GLI3: variants seen among roughly 807,000 people sequenced by gnomAD.
GLI3 encodes GLI family zinc finger 3, also known as transcription activator GLI3.
Under a neutral mutation model 100.8 loss-of-function variants are expected in GLI3, and 20 were observed. The observed-to-expected ratio is 0.20, with a 90% CI of 0.14 to 0.29. The LOEUF (loss-of-function observed/expected upper bound fraction) is 0.29. Among genes scored for constraint, GLI3 ranks in the 10% least tolerant of loss-of-function variants. GLI3 has a pLI of 1.00. For synonymous variants in GLI3, 938 were observed against 860.5 expected (o/e 1.09, Z -1.58); for missense variants, 2,040 against 2,128.5 (o/e 0.96, Z 0.82).
At chr7:42,041,448 A>G (rs867088124) in intron 6 of GLI3, among the ~76,000 whole-genome samples, 2 of 152,344 alleles carry the variant, frequency 1.3e-5, no homozygotes, top group Middle Eastern at 3.4e-3. Flanking sequence ...TCATATTTAC[A>G]TTACAGAGTC....
At chr7:42,128,013 T>C (rs1157448007) in intron 3 of GLI3, among the ~76,000 whole-genome samples, 1 of 83,464 alleles carries the variant, frequency 1.2e-5, no homozygotes, top group Admixed American at 1.6e-4. Context: ...AGCAAGACCC[T>C]GACTCAAAAA....
chr7:42,222,998 C>A (rs1788515530), intron 2 of GLI3, 132 bp downstream of exon 2: 4 of 1,115,056 alleles, frequency 3.6e-6, no homozygotes, highest in Non-Finnish European at 4.1e-6. Flanking sequence ...CCCCCCGCCC[C>A]TGCTCCATTT....
chr7:41,985,448 C>T (rs1787793433), intron 10 of GLI3, among the ~76,000 whole-genome samples: 1 of 152,014 alleles, frequency 6.6e-6, no homozygotes, highest in Admixed American at 6.5e-5. Context: ...TTCAAGTAAG[C>T]TCAATTTTCA....
chr7:41,984,952 A>G (rs1326764745), intron 10 of GLI3, among the ~76,000 whole-genome samples: 1 of 152,266 alleles, frequency 6.6e-6, no homozygotes, highest in African/African-American at 2.4e-5. Context: ...CCATGTGCAC[A>G]CACAGGTGGT....
At chr7:42,134,266 T>A (rs904460335) in intron 3 of GLI3, among the ~76,000 whole-genome samples, 2 of 152,050 alleles carry the variant, frequency 1.3e-5, no homozygotes, top group Non-Finnish European at 2.9e-5. Context: ...TAAGAATACA[T>A]GGTCACCAAT....
chr7:42,076,960 A>T, intron 3 of GLI3, 103 bp from the exon 4 acceptor site: 1 of 752,072 alleles, frequency 1.3e-6, no homozygotes, highest in Admixed American at 2.0e-5. Flanking sequence ...CACTACCTAC[A>T]CTTAATCTAA....
chr7:42,045,090 C>A (rs1784218017), intron 6 of GLI3, among the ~76,000 whole-genome samples: 1 of 152,154 alleles, frequency 6.6e-6, no homozygotes, highest in Non-Finnish European at 1.5e-5. Context: ...CTCGCTATGT[C>A]ACCTGGGCTG....
At chr7:42,200,164 C>T (rs1171375501) in intron 2 of GLI3, among the ~76,000 whole-genome samples, 2 of 152,196 alleles carry the variant, frequency 1.3e-5, no homozygotes, top group Non-Finnish European at 1.5e-5. Flanking sequence ...CCTAGGATAT[C>T]GCCTTCCGTC....
chr7:42,150,542 T>G (rs1319672488), intron 2 of GLI3, among the ~76,000 whole-genome samples: 1 of 152,210 alleles, frequency 6.6e-6, no homozygotes, highest in East Asian at 1.9e-4. Flanking sequence ...AACTTAAATC[T>G]GAAATGAACT....
At chr7:42,115,900 C>T (rs1171949416) in intron 3 of GLI3, among the ~76,000 whole-genome samples, 1 of 151,904 alleles carries the variant, frequency 6.6e-6, no homozygotes, top group Non-Finnish European at 1.5e-5. Context: ...GTCATACTAC[C>T]CACGGCTATA....
intron 10 of GLI3, among the ~76,000 whole-genome samples, chr7:41,999,627 A>G (rs1298153280): frequency 6.6e-6 from 1 of 152,138 alleles, no homozygotes; most frequent in Non-Finnish European, 1.5e-5. Flanking sequence ...GGCCTCTCTC[A>G]TCTGTCGCCG....
intron 13 of GLI3, among the ~76,000 whole-genome samples, chr7:41,968,948 G>T (rs939065454): frequency 6.6e-6 from 1 of 152,220 alleles, no homozygotes; most frequent in Non-Finnish European, 1.5e-5. Context: ...GCAAACAATG[G>T]AATCTTAATC....
intron 4 of GLI3, among the ~76,000 whole-genome samples, chr7:42,054,041 C>T (rs1487952607): frequency 2.0e-5 from 3 of 152,204 alleles, no homozygotes; most frequent in Admixed American, 2.0e-4. Context: ...TTCTACCCCT[C>T]TGTCTTCCAA....
At chr7:42,001,215 C>T (rs1477870168) in intron 10 of GLI3, among the ~76,000 whole-genome samples, 6 of 118,932 alleles carry the variant, frequency 5.0e-5, no homozygotes, top group African/African-American at 1.7e-4. Context: ...CCAGCCTGGG[C>T]GACAGTGTGA....
intron 2 of GLI3, among the ~76,000 whole-genome samples, chr7:42,185,056 A>G (rs191548948): frequency 6.6e-6 from 1 of 151,944 alleles, no homozygotes; most frequent in Admixed American, 6.6e-5. Flanking sequence ...TAAGGTGAAC[A>G]CTGGCTCCCA....
chr7:42,127,180 T>C (rs1465841664), intron 3 of GLI3, among the ~76,000 whole-genome samples: 1 of 152,230 alleles, frequency 6.6e-6, no homozygotes, highest in East Asian at 1.9e-4. Context: ...GTAACAAGCC[T>C]TTTTAACTTC....
In GLI3 at chr7:42,158,936, G is replaced by A. The variant is rs1176872022; in HGVS notation, c.125-10468C>T. On this transcript the variant is annotated intron_variant, in intron 2 of 14. Coordinates refer to ENST00000395925, the MANE Select transcript of GLI3 (RefSeq NM_000168.6). Reference sequence around the variant, plus strand: ...TGAAACATGGTTCAGAAACTTCTTCGAATTTCTCATTCTACTTCTGTTGTC... The same window carrying A: ...TGAAACATGGTTCAGAAACTTCTTCAAATTTCTCATTCTACTTCTGTTGTC... 3.9e-5 allele frequency among the ~76,000 whole-genome samples: 6 copies of A among 152,178 alleles called. No homozygotes were observed. In the South Asian group the frequency reaches 1.0e-3, roughly 26 times the overall value.
chr7:41,995,513 T>C lies in GLI3; in HGVS notation c.1498-16765A>G, dbSNP rs112934584. On this transcript the variant is annotated intron_variant, in intron 10 of 14. Coordinates refer to ENST00000395925, the MANE Select transcript of GLI3 (RefSeq NM_000168.6). ...AGGGGTTCAGAAGCTTACCTAATAG[T>C]GCACCATGAGTTTGTGGCATAGATA... Among the ~76,000 whole-genome samples, 430 of 152,216 alleles carry C rather than the reference T, an allele frequency of 2.8e-3. 5 individuals carry two copies. Among genetic ancestry groups the C allele is most frequent in the African/African-American group, 9.0e-3 (375 of 41,542 alleles).
At chr7:42,067,070 A>C (rs974028735) in intron 4 of GLI3, among the ~76,000 whole-genome samples, 1 of 152,200 alleles carries the variant, frequency 6.6e-6, no homozygotes, top group Non-Finnish European at 1.5e-5. Context: ...ACTTTAAATA[A>C]ATCAATACAA....
Sources: allele counts gnomAD v4.1 joint callset (sites outside exome capture counted in the v4.1 genomes callset), GRCh38; gene constraint gnomAD v4.1.1; transcripts MANE v1.5; gene names NCBI Gene and HGNC (gene_info 2026-07-23, HGNC 2026-07-21).